LINC01488: variants seen among roughly 807,000 people sequenced by gnomAD.
LINC01488 encodes the protein CCND1-upstream intergenic DNA repair 1.
chr11:69,483,291 C>T (rs903289483), intron 1 of LINC01488, among the ~76,000 whole-genome samples: 1 of 152,204 alleles, frequency 6.6e-6, no homozygotes, highest in Non-Finnish European at 1.5e-5. Context: ...TCAGGACTTA[C>T]ACTCTGGAGC....
chr11:69,483,046 G>T (rs556797178), intron 1 of LINC01488, among the ~76,000 whole-genome samples: 2 of 152,302 alleles, frequency 1.3e-5, no homozygotes, highest in East Asian at 1.9e-4. Flanking sequence ...TACGAATTGT[G>T]GGGGGATGTG....
intron 1 of LINC01488, among the ~76,000 whole-genome samples, chr11:69,483,962 A>G (rs1857075830): frequency 6.6e-6 from 1 of 152,138 alleles, no homozygotes; most frequent in African/African-American, 2.4e-5. Context: ...AGGGCCCCGC[A>G]GGGGCAGGCG....
chr11:69,482,841 C>T (rs80026581), intron 1 of LINC01488, among the ~76,000 whole-genome samples: 1,803 of 152,246 alleles, frequency 0.012, 44 homozygotes, highest in African/African-American at 0.041. Context: ...TTCCTTGGCT[C>T]GTAGACAGCA....
chr11:69,485,893 T>G, intron 1 of LINC01488: 1 of 152,236 alleles, frequency 6.6e-6, no homozygotes. Context: ...GTTTAGCCTC[T>G]GCTGCATCCT....
chr11:69,492,677 G>A (rs535960671), exon 4 of LINC01488: 2 of 152,366 alleles, frequency 1.3e-5, no homozygotes, highest in Admixed American at 1.3e-4. Context: ...TCCGATTCCC[G>A]ACCTCCAGAA....
chr11:69,489,350 C>T (rs1448973030), intron 1 of LINC01488, among the ~76,000 whole-genome samples: 1 of 152,248 alleles, frequency 6.6e-6, no homozygotes, highest in Non-Finnish European at 1.5e-5. Context: ...ACACCAGAGG[C>T]TGCTGCCGTT....
intron 1 of LINC01488, among the ~76,000 whole-genome samples, chr11:69,485,144 A>G (rs1403705885): frequency 6.6e-6 from 1 of 152,180 alleles, no homozygotes; most frequent in Non-Finnish European, 1.5e-5. Context: ...TTTGCAGGCT[A>G]AATCTTACTT....
chr11:69,482,886 A>T (rs1857062217), intron 1 of LINC01488, among the ~76,000 whole-genome samples: 1 of 152,158 alleles, frequency 6.6e-6, no homozygotes, highest in South Asian at 2.1e-4. Context: ...TTGTTCCTCT[A>T]TGTGGGTCCG....
chr11:69,486,205 ACT>A (rs1857113142), intron 1 of LINC01488: 1 of 152,242 alleles, frequency 6.6e-6, no homozygotes, highest in Admixed American at 6.5e-5. Flanking sequence ...TGGGGTCTGC[ACT>A]GTCACTAGCA....
At chr11:69,489,607 C>T (rs1000798950) in intron 1 of LINC01488, among the ~76,000 whole-genome samples, 3 of 152,238 alleles carry the variant, frequency 2.0e-5, no homozygotes, top group Admixed American at 6.5e-5. Flanking sequence ...CTGCTGCAGG[C>T]GGGCTGCGGA....
intron 1 of LINC01488, among the ~76,000 whole-genome samples, chr11:69,487,319 G>A (rs1030671661): frequency 1.7e-4 from 26 of 152,206 alleles, no homozygotes; most frequent in Admixed American, 9.2e-4. Flanking sequence ...GAAGGAGAGG[G>A]AGCCCCGTGA....
chr11:69,486,843 G>A (rs1857128899), intron 1 of LINC01488, among the ~76,000 whole-genome samples: 1 of 152,198 alleles, frequency 6.6e-6, no homozygotes, highest in African/African-American at 2.4e-5. Context: ...TGCTGGCCCT[G>A]CTCCTGGCCC....
chr11:69,487,698 T>C (rs1225073884), intron 1 of LINC01488, among the ~76,000 whole-genome samples: 3 of 152,072 alleles, frequency 2.0e-5, no homozygotes, highest in African/African-American at 7.2e-5. Flanking sequence ...CAGGTGTGGG[T>C]GGGTGTCTCT....
At chr11:69,486,746 T>C (rs1857127241) in intron 1 of LINC01488, among the ~76,000 whole-genome samples, 1 of 152,136 alleles carries the variant, frequency 6.6e-6, no homozygotes, top group African/African-American at 2.4e-5. Context: ...AGGAGCTCCA[T>C]AAGCCCCCGC....
At chr11:69,487,585 C>G (rs1284691736) in intron 1 of LINC01488, among the ~76,000 whole-genome samples, 5 of 152,182 alleles carry the variant, frequency 3.3e-5, no homozygotes, top group Non-Finnish European at 4.4e-5. Context: ...GGTCCTGTTC[C>G]CCGTCGGTCA....
exon 4 of LINC01488, chr11:69,493,207 C>T (rs1264074414): frequency 6.6e-6 from 1 of 152,224 alleles, no homozygotes; most frequent in African/African-American, 2.4e-5. Flanking sequence ...GGCATTTTAA[C>T]CAACACCAGG....
exon 4 of LINC01488, chr11:69,493,110 T>C (rs1857249641): frequency 2.0e-5 from 3 of 152,254 alleles, no homozygotes; most frequent in African/African-American, 7.2e-5. Flanking sequence ...GTCAGCTTGG[T>C]TTGGGTCTGG....
exon 3 of LINC01488, chr11:69,491,324 T>C (rs1195691977): frequency 6.6e-6 from 1 of 152,196 alleles, no homozygotes; most frequent in East Asian, 1.9e-4. Flanking sequence ...AGGTGCTCGG[T>C]CAGTGCAGCC....
chr11:69,491,599 T>C (rs17136606), intron 3 of LINC01488: 8,325 of 152,408 alleles, frequency 0.055, 705 homozygotes, highest in East Asian at 0.41. Context: ...GGGCCCTTGG[T>C]ATGAAGACCC....
Sources: gnomAD v4.1 joint callset for allele counts (sites outside exome capture counted in the v4.1 genomes callset) on GRCh38, gnomAD v4.1.1 for gene constraint, MANE v1.5 for transcripts, NCBI Gene and HGNC (gene_info 2026-07-23, HGNC 2026-07-21) for gene names.